Variants in ACTG2 observed in about 807,000 individuals in gnomAD.
The protein encoded by ACTG2 is actin gamma 2, smooth muscle, also known as actin, gamma-enteric smooth muscle.
Under a neutral mutation model 37.6 loss-of-function variants are expected in ACTG2, and 16 were observed. That is an observed-to-expected ratio of 0.43 (90% CI 0.29 to 0.65). ACTG2 has a LOEUF of 0.65. Among genes scored for constraint, ACTG2 ranks in the 30% least tolerant of loss-of-function variants. The pLI is 0.18. For synonymous variants in ACTG2, 181 were observed against 179.9 expected (o/e 1.01, Z -0.05); for missense variants, 238 against 490.9 (o/e 0.48, Z 4.87).
At position 73,901,416 on chromosome 2, in the gene ACTG2, T is replaced by A; in HGVS notation, c.105T>A (p.Ile35=). ...CCCCCCGGGCTGTCTTCCCCTCCAT[T>A]GTGGGCCGCCCTCGCCACCAGGTGC... ...DDAPRAVFPS[I]VGRPRHQGVM... Residue 35 remains isoleucine, a synonymous_variant, in exon 2 of 9, where the codon ATT becomes ATA. Transcript: ENST00000345517. The A allele has an allele frequency of 6.2e-7, 1 of 1,614,148 alleles. No individual in the cohort carries two copies. Among genetic ancestry groups the A allele is most frequent in the Non-Finnish European group, 8.5e-7 (1 of 1,180,018 alleles).
In ACTG2 at chr2:73,898,371, T is replaced by TTTTTTTTTTTTTG. The variant is rs1679798255; in HGVS notation, c.-36-2905_-36-2904insTTTTTTTTTTTTG. ...GCAACTTGCACCTTTTCTATTGTAT[T>TTTTTTTTTTTTTG]AAATATTTCAGTTTCTCCATTGTAT... On this transcript the variant is annotated intron_variant, in intron 1 of 8. Transcript: ENST00000345517. Among the ~76,000 whole-genome samples, 5 of 133,904 alleles carry TTTTTTTTTTTTTG rather than the reference T, an allele frequency of 3.7e-5. No homozygotes were observed. The East Asian group carries it at 1.1e-3, about 28-fold the overall frequency. The allele number at this position is 133,904 out of a possible 152,430, so 87.8% of individuals were successfully genotyped here.
chr2:73,901,459 A>T, intron 2 of ACTG2, 22 bp downstream of exon 2: 3 of 1,612,942 alleles, frequency 1.9e-6, no homozygotes, highest in Non-Finnish European at 2.5e-6. Flanking sequence ...TCTGGATACC[A>T]CCAGGCTTTG....
intron 1 of ACTG2, among the ~76,000 whole-genome samples, chr2:73,900,172 T>C (rs1255736829): frequency 2.6e-5 from 4 of 152,210 alleles, no homozygotes; most frequent in Admixed American, 6.5e-5. Flanking sequence ...CTTCTCTTTA[T>C]GTGCCTGGCG....
intron 5 of ACTG2, among the ~76,000 whole-genome samples, chr2:73,912,672 C>A (rs773479659): frequency 2.4e-4 from 36 of 152,304 alleles, no homozygotes; most frequent in Middle Eastern, 3.4e-3. Flanking sequence ...AACCATCTAA[C>A]TAGGTCTAAT....
At chr2:73,893,141 C>T (rs1300077077) in intron 1 of ACTG2, 90 bp downstream of exon 1, 1 of 152,378 alleles carries the variant, frequency 6.6e-6, no homozygotes, top group African/African-American at 2.4e-5. Context: ...GGCCTGGCTT[C>T]TGTGACGCTG....
intron 1 of ACTG2, among the ~76,000 whole-genome samples, chr2:73,898,426 A>G (rs556425590): frequency 6.7e-5 from 10 of 149,376 alleles, no homozygotes; most frequent in East Asian, 5.9e-4. Flanking sequence ...TTTACAAGCC[A>G]ACTTATTTAC....
intron 1 of ACTG2, chr2:73,896,965 C>T (rs933049696): frequency 2.0e-5 from 3 of 152,294 alleles, no homozygotes; most frequent in Admixed American, 6.5e-5. Context: ...TAGAATTTCT[C>T]CTGGCAGAGA....
chr2:73,904,739 TTG>T lies in ACTG2; in HGVS notation c.255+2289_255+2290del, dbSNP rs370499600. ...CATTTCATTATATATCTATAAATCA[TTG>T]TGTGTGTGTGTGTGTGTGTGTGTGT... On this transcript the variant is annotated intron_variant, in intron 3 of 8. Coordinates refer to ENST00000345517, the MANE Select transcript of ACTG2 (RefSeq NM_001615.4). Among the ~76,000 whole-genome samples, 623 of 103,590 alleles carry T rather than the reference TTG, an allele frequency of 6.0e-3. 5 individuals are homozygous for T. Among genetic ancestry groups the T allele is most frequent in the East Asian group, 0.019 (67 of 3,482 alleles). 68.0% of individuals were successfully genotyped at this position (103,590 alleles called of 152,430 possible).
At chr2:73,905,509 A>C (rs1371494286) in intron 3 of ACTG2, among the ~76,000 whole-genome samples, 2 of 152,204 alleles carry the variant, frequency 1.3e-5, no homozygotes, top group African/African-American at 4.8e-5. Flanking sequence ...GCTGAACAGA[A>C]ATTATGAAAA....
At chr2:73,918,532 A>G (rs1222511944) in intron 8 of ACTG2, among the ~76,000 whole-genome samples, 1 of 152,222 alleles carries the variant, frequency 6.6e-6, no homozygotes, top group Non-Finnish European at 1.5e-5. Context: ...AAAAAAATCA[A>G]TTTATTATCT....
chr2:73,908,929 G>A (rs969087082), intron 4 of ACTG2, 126 bp from the exon 5 acceptor site: 1 of 1,214,668 alleles, frequency 8.2e-7, no homozygotes, highest in South Asian at 1.3e-5. Context: ...TGGGGGAGTG[G>A]GTGTGGAATA....
At chr2:73,909,172 CT>C in intron 5 of ACTG2, 33 bp downstream of exon 5, 1 of 1,578,110 alleles carries the variant, frequency 6.3e-7, no homozygotes, top group South Asian at 1.1e-5. Flanking sequence ...CCTTTTCTGA[CT>C]TCAGGGGAGG....
intron 1 of ACTG2, among the ~76,000 whole-genome samples, chr2:73,893,830 C>T (rs1177502900): frequency 6.6e-6 from 1 of 152,116 alleles, no homozygotes; most frequent in Non-Finnish European, 1.5e-5. Flanking sequence ...ACAACACATG[C>T]ACAAAGAATT....
chr2:73,916,474 G>A (rs1397056790), intron 7 of ACTG2, 110 bp from the exon 8 acceptor site: 2 of 913,252 alleles, frequency 2.2e-6, no homozygotes, highest in Non-Finnish European at 3.3e-6. Flanking sequence ...GAGATATTAA[G>A]GTTCTGAACT....
In ACTG2 at chr2:73,914,691, A is replaced by C; in HGVS notation, c.625A>C (p.Ile209Leu). The C allele has an allele frequency of 6.3e-7, 1 of 1,584,360 alleles. No individual in the cohort carries two copies. Among genetic ancestry groups the C allele is most frequent in the Non-Finnish European group, 8.6e-7 (1 of 1,163,826 alleles). ...TCTGCTCCTTCCAGCTGAGAGAGAA[A>C]TTGTGCGAGACATCAAGGAGAAGCT... ...YSFVTTAERE[I>L]VRDIKEKLCY... Residue 209 changes from isoleucine to leucine, a missense_variant, in exon 7 of 9, where the codon ATT becomes CTT. Coordinates refer to ENST00000345517, the MANE Select transcript of ACTG2 (RefSeq NM_001615.4).
chr2:73,916,810 T>C, intron 8 of ACTG2, 45 bp downstream of exon 8: 1 of 1,587,170 alleles, frequency 6.3e-7, no homozygotes. Flanking sequence ...TTGTATAAAG[T>C]CTTGCCTACC....
At chr2:73,893,843 G>A (rs1679683426) in intron 1 of ACTG2, among the ~76,000 whole-genome samples, 1 of 152,102 alleles carries the variant, frequency 6.6e-6, no homozygotes, top group Non-Finnish European at 1.5e-5. Context: ...AAAGAATTAA[G>A]AGGAAGATGA....
At chr2:73,917,695 A>G (rs1380920821) in intron 8 of ACTG2, among the ~76,000 whole-genome samples, 3 of 152,242 alleles carry the variant, frequency 2.0e-5, no homozygotes, top group African/African-American at 7.2e-5. Flanking sequence ...AAGAACCTTC[A>G]TGAAGGAAGG....
rs1354361486 is a variant in ACTG2, at chr2:73,902,461, C to A, written c.228C>A (p.Ile76=). The change falls in exon 3 of 9, where the codon ATC becomes ATA. Residue 76 remains isoleucine, a synonymous_variant. Coordinates refer to ENST00000345517, the MANE Select transcript of ACTG2 (RefSeq NM_001615.4). ...TCAAATACCCCATTGAACACGGCAT[C>A]ATCACCAACTGGGATGACATGGAGA... ...LTLKYPIEHG[I]ITNWDDMEKI... is the part of the protein sequence containing the mutation. The A allele has an allele frequency of 1.2e-6, 2 of 1,614,016 alleles. No individual in the cohort carries two copies. The highest frequency in any genetic ancestry group is 1.7e-6 in the Non-Finnish European group (2 of 1,180,038).
Sources: allele counts gnomAD v4.1 joint callset (sites outside exome capture counted in the v4.1 genomes callset), GRCh38; gene constraint gnomAD v4.1.1; transcripts MANE v1.5; gene names NCBI Gene and HGNC (gene_info 2026-07-23, HGNC 2026-07-21).